PTPRD: variants seen among roughly 807,000 people sequenced by gnomAD.
PTPRD encodes protein tyrosine phosphatase receptor type D, also known as receptor-type tyrosine-protein phosphatase delta.
In PTPRD, 34 loss-of-function variants were observed where a neutral mutation model predicts 214.5. The ratio of observed to expected loss-of-function variants is 0.16; its 90% CI spans 0.12 to 0.21. PTPRD has a LOEUF of 0.21. PTPRD is among the 10% of genes least tolerant of loss of function. The pLI, the probability that PTPRD is intolerant of heterozygous loss-of-function variation, is 1.00. For synonymous variants in PTPRD, 1,128 were observed against 845.7 expected, an observed-to-expected ratio of 1.33 and a Z score of -5.79; for missense variants, 2,545 against 2,398.7, an observed-to-expected ratio of 1.06 and a Z score of -1.27.
rs1262025645 is a variant in PTPRD at position 8,791,556 on chromosome 9, C to T, written c.-103-57610G>A. On this transcript the variant is annotated intron_variant, in intron 11 of 45. Transcript: ENST00000381196. The stretch of plus-strand genomic sequence containing the variant: ...TTTTTTTTTTTTTTTGAGACAGAGT[C>T]CTGCTCTGTCTTCCAGGCTATAGTG... Among the ~76,000 whole-genome samples the T allele has an allele frequency of 2.9e-5, 4 of 136,552 alleles. No individual in the cohort carries two copies. The East Asian group carries it at 6.5e-4, about 22-fold the overall frequency. 89.6% of individuals were successfully genotyped at this position (136,552 alleles called of 152,430 possible). A position where few individuals can be genotyped will look rare whatever the true frequency, so the allele number is the denominator to read the frequency against.
At chr9:8,908,673 A>G (rs2154258812) in intron 11 of PTPRD, among the ~76,000 whole-genome samples, 1 of 151,992 alleles carries the variant, frequency 6.6e-6, no homozygotes, top group South Asian at 2.1e-4. Context: ...CTAAGCCTCC[A>G]TCTTAAGAAA....
chr9:8,739,880 C>A (rs1206921366), intron 11 of PTPRD, among the ~76,000 whole-genome samples: 1 of 152,030 alleles, frequency 6.6e-6, no homozygotes, highest in African/African-American at 2.4e-5. Context: ...GGGGAGTTTC[C>A]GGGCACAAGC....
intron 14 of PTPRD, among the ~76,000 whole-genome samples, chr9:8,589,202 T>G (rs756923403): frequency 7.2e-5 from 11 of 152,212 alleles, no homozygotes; most frequent in Non-Finnish European, 1.2e-4. Flanking sequence ...GTTGCTGTGC[T>G]GATCAAATCA....
intron 5 of PTPRD, among the ~76,000 whole-genome samples, chr9:9,912,877 G>A (rs1469107191): frequency 6.6e-6 from 1 of 152,062 alleles, no homozygotes; most frequent in Non-Finnish European, 1.5e-5. Context: ...TCATAGGAAA[G>A]AACATAAAAA....
intron 9 of PTPRD, among the ~76,000 whole-genome samples, chr9:9,189,114 G>C (rs911894675): frequency 1.3e-5 from 2 of 152,026 alleles, no homozygotes; most frequent in Admixed American, 1.3e-4. Flanking sequence ...TTTCAGGTAT[G>C]AGGAATTTTC....
intron 7 of PTPRD, among the ~76,000 whole-genome samples, chr9:9,702,885 G>C (rs1381026333): frequency 6.6e-6 from 1 of 152,150 alleles, no homozygotes; most frequent in African/African-American, 2.4e-5. Flanking sequence ...GACTCTATTT[G>C]TATAGGGTGA....
intron 9 of PTPRD, among the ~76,000 whole-genome samples, chr9:9,270,063 G>C (rs933317987): frequency 6.6e-6 from 1 of 150,934 alleles, no homozygotes; most frequent in East Asian, 2.0e-4. Context: ...AATTTGCTAA[G>C]AAATTAGATC....
intron 33 of PTPRD, chr9:8,460,194 G>T: frequency 1.7e-6 from 1 of 602,442 alleles, no homozygotes; most frequent in East Asian, 2.9e-5. Flanking sequence ...GATGCATGTT[G>T]GACAACAGAA....
chr9:9,783,644 C>G (rs956928888), intron 5 of PTPRD, among the ~76,000 whole-genome samples: 2 of 151,924 alleles, frequency 1.3e-5, no homozygotes, highest in Admixed American at 1.3e-4. Context: ...TAATAAAGAG[C>G]ACAAGAACGC....
intron 11 of PTPRD, among the ~76,000 whole-genome samples, chr9:9,011,206 G>A (rs2099510458): frequency 6.6e-6 from 1 of 152,008 alleles, no homozygotes; most frequent in Non-Finnish European, 1.5e-5. Context: ...GGAATCATCA[G>A]TCATAGCTTC....
intron 9 of PTPRD, among the ~76,000 whole-genome samples, chr9:9,352,143 C>T (rs942268054): frequency 6.6e-5 from 10 of 151,708 alleles, no homozygotes; most frequent in African/African-American, 2.2e-4. Context: ...TTTTGTCCCC[C>T]ACATATCTTT....
intron 43 of PTPRD, among the ~76,000 whole-genome samples, chr9:8,332,122 T>TATATTCCATTTC (rs1032016158): frequency 6.7e-6 from 1 of 150,104 alleles, no homozygotes; most frequent in African/African-American, 2.5e-5. Context: ...ATGGAACATA[T>TATATTCCATTTC]ATATTCCATT....
chr9:8,406,097 T>C (rs981410722), intron 35 of PTPRD, among the ~76,000 whole-genome samples: 3 of 152,156 alleles, frequency 2.0e-5, no homozygotes, highest in Non-Finnish European at 4.4e-5. Context: ...CAATGAGCAG[T>C]ATTCAGGAAA....
At chr9:10,552,349 T>C (rs1383657422) in intron 2 of PTPRD, among the ~76,000 whole-genome samples, 2 of 152,176 alleles carry the variant, frequency 1.3e-5, no homozygotes, top group Non-Finnish European at 2.9e-5. Context: ...TGCTTTTGGA[T>C]ACCTATTGCT....
At chr9:9,304,237 T>A (rs541410699) in intron 9 of PTPRD, among the ~76,000 whole-genome samples, 1 of 152,178 alleles carries the variant, frequency 6.6e-6, no homozygotes, top group African/African-American at 2.4e-5. Context: ...GGATGATTGT[T>A]ATGGGAAAAA....
chr9:10,427,608 A>T (rs145233843), intron 2 of PTPRD, among the ~76,000 whole-genome samples: 54 of 152,228 alleles, frequency 3.5e-4, no homozygotes, highest in Middle Eastern at 3.4e-3. Flanking sequence ...TGTGCCAATC[A>T]TAAAACACTC....
intron 2 of PTPRD, among the ~76,000 whole-genome samples, chr9:10,432,230 G>C (rs1485117376): frequency 7.3e-6 from 1 of 137,392 alleles, no homozygotes; most frequent in Non-Finnish European, 1.5e-5. Context: ...GGCGGGAATT[G>C]AACAATGAGA....
rs567775849 is a variant in PTPRD at position 9,908,819 on chromosome 9, T to G, written c.-368+29688A>C. Among the ~76,000 whole-genome samples, 75 of 152,098 alleles carry G rather than the reference T, an allele frequency of 4.9e-4. 3 individuals carry two copies. In the South Asian group the frequency reaches 0.015, roughly 31 times the overall value. On this transcript the variant is annotated intron_variant, in intron 5 of 45. Coordinates refer to ENST00000381196, the MANE Select transcript of PTPRD (RefSeq NM_002839.4). ...GGAAGTTTTTGAAAATAGGCACTCA[T>G]ACAAATGCTAGGTCTAAGAATAAAA...
chr9:10,411,067 T>C (rs2098430025), intron 2 of PTPRD, among the ~76,000 whole-genome samples: 1 of 151,820 alleles, frequency 6.6e-6, no homozygotes, highest in Non-Finnish European at 1.5e-5. Flanking sequence ...AATGTTTGCC[T>C]GTTACCTTTT....
Sources: allele counts gnomAD v4.1 joint callset (sites outside exome capture counted in the v4.1 genomes callset), GRCh38; gene constraint gnomAD v4.1.1; transcripts MANE v1.5; gene names NCBI Gene and HGNC (gene_info 2026-07-23, HGNC 2026-07-21).